SLC43A2: variants seen among roughly 807,000 people sequenced by gnomAD.
The protein encoded by SLC43A2 is solute carrier family 43 member 2.
SLC43A2 carries 38 observed loss-of-function variants against 63.2 expected under a neutral mutation model. The ratio of observed to expected loss-of-function variants is 0.60; its 90% confidence interval spans 0.46 to 0.79. The LOEUF (loss-of-function observed/expected upper bound fraction) is 0.79, where lower values mean the gene tolerates loss of function less well. Ranked by LOEUF, SLC43A2 falls within the 30% of genes least tolerant of loss-of-function variation. The pLI, the probability that SLC43A2 is intolerant of heterozygous loss-of-function variation, is 0.00. For synonymous variants in SLC43A2, 322 were observed against 331.0 expected (o/e 0.97, Z 0.30); for missense variants, 644 against 756.2 (o/e 0.85, Z 1.74).
chr17:1,603,262 C>G (rs1567633834), intron 5 of SLC43A2: 1 of 152,024 alleles, frequency 6.6e-6, no homozygotes, highest in Non-Finnish European at 1.5e-5. Flanking sequence ...TAGTATTCCC[C>G]TTTAAATAAA....
Position 1,575,674 on chromosome 17 carries a change from T to C in SLC43A2, c.1640A>G (p.Gln547Arg). 6.2e-7 allele frequency: 1 copy of C among 1,613,708 alleles called. No individual in the cohort carries two copies. Among genetic ancestry groups the C allele is most frequent in the Non-Finnish European group, 8.5e-7 (1 of 1,179,894 alleles). ...GAGTTTGTCATCCTCCTGCCTCTGCTGCAGCTGCCGCTCCAGCTGGCGCCG... is the reference window on the plus strand; with the variant it reads ...GAGTTTGTCATCCTCCTGCCTCTGCCGCAGCTGCCGCTCCAGCTGGCGCCG... ...CYRRQLERQL[Q>R]QRQEDDKLFL... Residue 547 changes from glutamine to arginine, a missense_variant, in exon 14 of 14, where the codon CAG becomes CGG. Physicochemically the swap from Gln to Arg is conservative, Grantham distance 43. Around this residue, in one of 3 missense-constraint regions of SLC43A2, gnomAD observed 105 missense variants for 101.7 expected, o/e 1.03. Coordinates refer to ENST00000301335, the MANE Select transcript of SLC43A2 (RefSeq NM_152346.3).
intron 1 of SLC43A2, 123 bp from the exon 2 acceptor site, chr17:1,628,043 C>A (rs1908852775): frequency 2.9e-6 from 3 of 1,022,866 alleles, no homozygotes; most frequent in Non-Finnish European, 2.5e-6. Flanking sequence ...GCGGCCGGTG[C>A]GCGCAGCAGA....
chr17:1,617,453 C>T (rs1342581314), intron 2 of SLC43A2, among the ~76,000 whole-genome samples: 1 of 151,994 alleles, frequency 6.6e-6, no homozygotes, highest in Non-Finnish European at 1.5e-5. Context: ...TGCAGTAGCA[C>T]GATCTCGGCT....
chr17:1,604,798 C>T, intron 5 of SLC43A2: 3 of 1,535,786 alleles, frequency 2.0e-6, no homozygotes, highest in Non-Finnish European at 2.6e-6. Flanking sequence ...ATCGGATGGG[C>T]TTGCATTTGC....
rs941969656 is a variant in SLC43A2 at position 1,608,481 on chromosome 17, C to A, written c.501+4714G>T. On this transcript the variant is annotated intron_variant, in intron 5 of 13. Coordinates refer to ENST00000301335, the MANE Select transcript of SLC43A2 (RefSeq NM_152346.3). ...CGATCTCAGCTCACTGCAACCTCCG[C>A]CTCCCGGGTTCAAGCAATTCTCCCA... Among the ~76,000 whole-genome samples, 4 of 152,124 alleles carry A rather than the reference C, an allele frequency of 2.6e-5. No homozygotes were observed. In the South Asian group the frequency reaches 8.3e-4, roughly 32 times the overall value.
intron 2 of SLC43A2, among the ~76,000 whole-genome samples, chr17:1,619,622 C>T (rs1195888168): frequency 6.6e-6 from 1 of 152,216 alleles, no homozygotes; most frequent in Non-Finnish European, 1.5e-5. Context: ...CTGGGCCACT[C>T]GCCCATCCAC....
At position 1,605,720 on chromosome 17, in the gene SLC43A2, A is replaced by G. The variant is rs975870965; in HGVS notation, c.501+7475T>C. Among the ~76,000 whole-genome samples the G allele has an allele frequency of 6.6e-6, 1 of 152,142 alleles. No homozygotes were observed. Among genetic ancestry groups the G allele is most frequent in the Non-Finnish European group, 1.5e-5 (1 of 68,008 alleles). On this transcript the variant is annotated intron_variant, in intron 5 of 13. Coordinates refer to ENST00000301335, the MANE Select transcript of SLC43A2 (RefSeq NM_152346.3). This position sits in a 1 kb window ranked among gnomAD's most constrained non-coding sequence, Gnocchi z 4.9. ...ACCCAGAGTTCTGTACAACCTGCAC[A>G]GGCCGGGATCCCGGAACCAGACTGC...
intron 13 of SLC43A2, 62 bp from the exon 14 acceptor site, chr17:1,575,827 C>A (rs2075918633): frequency 6.6e-6 from 10 of 1,522,044 alleles, no homozygotes; most frequent in South Asian, 1.2e-5. Flanking sequence ...TGCAGACCCG[C>A]CCTCCACTCG....
At chr17:1,598,238 C>T (rs914634639) in intron 5 of SLC43A2, among the ~76,000 whole-genome samples, 1 of 152,146 alleles carries the variant, frequency 6.6e-6, no homozygotes, top group African/African-American at 2.4e-5. Context: ...TTGGCCAACA[C>T]AGTGAAACCT....
chr17:1,621,350 C>T (rs1016500708), intron 2 of SLC43A2, among the ~76,000 whole-genome samples: 2 of 152,178 alleles, frequency 1.3e-5, no homozygotes, highest in African/African-American at 4.8e-5. Context: ...GCCCCCTTCC[C>T]TGACTAGTCG....
At chr17:1,622,605 G>A (rs1274568492) in intron 2 of SLC43A2, among the ~76,000 whole-genome samples, 2 of 149,402 alleles carry the variant, frequency 1.3e-5, no homozygotes, top group African/African-American at 5.0e-5. Flanking sequence ...TGGGTGTGAG[G>A]AGAGACTCTA....
chr17:1,589,705 C>T (rs1431310348), intron 9 of SLC43A2, among the ~76,000 whole-genome samples: 1 of 152,162 alleles, frequency 6.6e-6, no homozygotes. Flanking sequence ...CTGCAACCTC[C>T]ACCTCCTGGG....
rs2075890007 is a variant in SLC43A2, at chr17:1,574,430, T to G, written c.*1174A>C. On this transcript the variant is annotated 3_prime_UTR_variant, in exon 14 of 14. Coordinates refer to ENST00000301335, the MANE Select transcript of SLC43A2 (RefSeq NM_152346.3). ...CCCGGAGGAAAATGGATTTATTGCT[T>G]TATAAAAAAGAAGTCTAATAAAACT... 1.3e-5 allele frequency: 2 copies of G among 152,610 alleles called. No homozygotes were observed. The highest frequency in any genetic ancestry group is 2.9e-5 in the Non-Finnish European group (2 of 68,036). The allele number at this position is 152,610 out of a possible 1,614,324, so 9.5% of individuals were successfully genotyped here.
intron 9 of SLC43A2, among the ~76,000 whole-genome samples, chr17:1,588,193 G>A (rs985495260): frequency 6.6e-6 from 1 of 152,106 alleles, no homozygotes; most frequent in Non-Finnish European, 1.5e-5. Context: ...GAAGTCAGGA[G>A]TTGGAGACAT....
intron 6 of SLC43A2, 40 bp from the exon 7 acceptor site, chr17:1,591,739 G>GGGGGGGGGC: frequency 1.4e-5 from 7 of 512,298 alleles, no homozygotes; most frequent in African/African-American, 3.9e-5. Context: ...GGGGGAGGGG[G>GGGGGGGGGC]CAGAGTTAGC....
intron 5 of SLC43A2, among the ~76,000 whole-genome samples, chr17:1,594,791 C>CTTGT (rs1567625777): frequency 2.0e-5 from 3 of 151,140 alleles, no homozygotes; most frequent in Non-Finnish European, 4.4e-5. Context: ...GGTTTCACCA[C>CTTGT]GTTAGCCAGG....
At chr17:1,586,908 A>G in intron 9 of SLC43A2, 1 of 1,527,942 alleles carries the variant, frequency 6.5e-7, no homozygotes. Context: ...GGGAGGGGAC[A>G]TCACAGCATT....
intron 3 of SLC43A2, 149 bp downstream of exon 3, chr17:1,616,413 C>A: frequency 1.4e-6 from 1 of 738,318 alleles, no homozygotes. Context: ...GATTCGGTGG[C>A]GGACGGGGTA....
chr17:1,578,245 C>T lies in SLC43A2; in HGVS notation c.1424+5G>A. On this transcript the variant is annotated splice_donor_5th_base_variant and intron_variant, in intron 12 of 13. Coordinates refer to ENST00000301335, the MANE Select transcript of SLC43A2 (RefSeq NM_152346.3). The surrounding 1 kb of genome is among the most constrained non-coding windows in gnomAD (Gnocchi z 6.5). ...ACCAGGCCACCTGCGGCTTCCAGGA[C>T]TTACACGGCAGCGTACAGGCCCCCG... is the stretch of plus-strand genomic sequence containing the variant. 1.2e-6 allele frequency: 2 copies of T among 1,612,486 alleles called. No homozygotes were observed. The highest frequency in any genetic ancestry group is 1.7e-6 in the Non-Finnish European group (2 of 1,178,762).
Sources: gnomAD v4.1 joint callset for allele counts (sites outside exome capture counted in the v4.1 genomes callset) on GRCh38, gnomAD v4.1.1 for gene constraint, gnomAD v4.1.1 regional missense constraint, Gnocchi (gnomAD v3.1) non-coding constraint, MANE v1.5 for transcripts, NCBI Gene and HGNC (gene_info 2026-07-23, HGNC 2026-07-21) for gene names.